PVT1: variants seen among roughly 807,000 people sequenced by gnomAD.
PVT1 encodes the protein Pvt1 oncogene.
At chr8:127,988,143 A>T (rs1352175945) in intron 3 of PVT1, among the ~76,000 whole-genome samples, 1 of 152,214 alleles carries the variant, frequency 6.6e-6, no homozygotes, top group Non-Finnish European at 1.5e-5. Flanking sequence ...GAGATGAGGA[A>T]ATCAAAGTGG....
At chr8:127,956,598 C>A in intron 3 of PVT1, among the ~76,000 whole-genome samples, 1 of 152,248 alleles carries the variant, frequency 6.6e-6, no homozygotes, top group Non-Finnish European at 1.5e-5. Context: ...GATTCTCCTG[C>A]CTCAGCCTCC....
chr8:128,058,837 C>T (rs1813794758), intron 4 of PVT1, among the ~76,000 whole-genome samples: 1 of 152,222 alleles, frequency 6.6e-6, no homozygotes, highest in African/African-American at 2.4e-5. Context: ...GAGCCCTCCA[C>T]AGCAGGGCTT....
intron 4 of PVT1, among the ~76,000 whole-genome samples, chr8:128,003,209 GCCTCCCTC>G (rs1293320836): frequency 2.9e-4 from 36 of 122,266 alleles, no homozygotes; most frequent in African/African-American, 9.9e-4. Flanking sequence ...AGACAATCCT[GCCTCCCTC>G]CCTCCCTCCC....
chr8:128,059,738 T>C (rs1813806602), intron 4 of PVT1, among the ~76,000 whole-genome samples: 1 of 152,160 alleles, frequency 6.6e-6, no homozygotes, highest in Non-Finnish European at 1.5e-5. Flanking sequence ...TCCCGCATAG[T>C]GTTGGCAGTT....
At chr8:127,942,416 C>T (rs1816364400) in intron 3 of PVT1, among the ~76,000 whole-genome samples, 1 of 152,202 alleles carries the variant, frequency 6.6e-6, no homozygotes, top group South Asian at 2.1e-4. Flanking sequence ...GCTTCTCCTG[C>T]AGGCAACTAC....
intron 3 of PVT1, among the ~76,000 whole-genome samples, chr8:127,960,943 T>TGG (rs1219833158): frequency 2.5e-4 from 7 of 27,644 alleles, no homozygotes; most frequent in Admixed American, 1.0e-3. Context: ...TGTTTGGGGG[T>TGG]GGGGGGGGCG....
intron 2 of PVT1, among the ~76,000 whole-genome samples, chr8:127,867,276 G>T (rs1815295556): frequency 6.6e-6 from 1 of 152,234 alleles, no homozygotes; most frequent in African/African-American, 2.4e-5. Context: ...AGGAGGAGGG[G>T]TCCAAGCCGC....
At chr8:127,807,562 A>T (rs1274301700) in intron 2 of PVT1, among the ~76,000 whole-genome samples, 1 of 152,110 alleles carries the variant, frequency 6.6e-6, no homozygotes, top group Admixed American at 6.6e-5. Context: ...GCCTCAAGCC[A>T]TCCTCCTGCC....
chr8:128,030,264 G>A (rs1195265431), intron 4 of PVT1, among the ~76,000 whole-genome samples: 4 of 152,130 alleles, frequency 2.6e-5, no homozygotes, highest in African/African-American at 9.7e-5. Flanking sequence ...AACAGTGCAT[G>A]CCTATTATAT....
intron 3 of PVT1, among the ~76,000 whole-genome samples, chr8:127,963,199 G>A (rs1816666344): frequency 6.6e-6 from 1 of 152,180 alleles, no homozygotes; most frequent in Admixed American, 6.5e-5. Flanking sequence ...CCCCTGCCCA[G>A]GCTGACTTCA....
chr8:128,076,477 A>G lies in PVT1; in HGVS notation n.1114+6116A>G, dbSNP rs146620765. ...CTCTTTCCTACTATTTTACCATCCA[A>G]TTAAAATGAATATATATTTTTTTCT... On this transcript the variant is annotated intron_variant and non_coding_transcript_variant, in intron 5 of 10. Coordinates refer to ENST00000651587, the Ensembl canonical transcript of PVT1. Among the ~76,000 whole-genome samples the G allele has an allele frequency of 5.9e-5, 9 of 152,244 alleles. No homozygotes were observed. In the East Asian group the frequency reaches 1.7e-3, roughly 29 times the overall value.
chr8:127,839,727 G>A (rs1413736038), intron 2 of PVT1, among the ~76,000 whole-genome samples: 1 of 152,142 alleles, frequency 6.6e-6, no homozygotes, highest in Non-Finnish European at 1.5e-5. Context: ...GAGGAAGGGA[G>A]GTTTAAGGAA....
At chr8:127,795,949 G>C (rs753147751) in exon 2 of PVT1, 1 of 170,394 alleles carries the variant, frequency 5.9e-6, no homozygotes, top group Non-Finnish European at 1.5e-5. Flanking sequence ...TACAGAATCC[G>C]TGTCTGGGAG....
chr8:128,015,738 A>ACTCCAGC (rs1201673789), intron 4 of PVT1, among the ~76,000 whole-genome samples: 1 of 139,050 alleles, frequency 7.2e-6, no homozygotes, highest in Non-Finnish European at 1.5e-5. Context: ...ACGCCACTGC[A>ACTCCAGC]CTCCAGCCTG....
intron 4 of PVT1, among the ~76,000 whole-genome samples, chr8:128,042,425 G>A (rs1435610897): frequency 6.6e-6 from 1 of 152,184 alleles, no homozygotes; most frequent in Admixed American, 6.5e-5. Context: ...CGATAGTGTT[G>A]CAATGTGTTT....
At chr8:127,808,528 C>T (rs1814553646) in intron 2 of PVT1, among the ~76,000 whole-genome samples, 1 of 151,978 alleles carries the variant, frequency 6.6e-6, no homozygotes, top group Admixed American at 6.6e-5. Context: ...TCATGGAGGG[C>T]CTTAAGTGCT....
intron 3 of PVT1, among the ~76,000 whole-genome samples, chr8:127,967,918 G>T (rs183147580): frequency 3.9e-5 from 6 of 152,328 alleles, no homozygotes; most frequent in Middle Eastern, 6.8e-3. Context: ...TTGAGCGCCT[G>T]TAGTATGTGC....
chr8:128,000,468 C>T (rs542375898), intron 4 of PVT1, among the ~76,000 whole-genome samples: 1 of 152,320 alleles, frequency 6.6e-6, no homozygotes, highest in African/African-American at 2.4e-5. Flanking sequence ...CATAGCAAAT[C>T]AGTTGTTGAG....
Position 127,973,437 on chromosome 8 carries a change from G to A in PVT1, n.783-15725G>A, listed in dbSNP as rs531249616. 4.6e-5 allele frequency among the ~76,000 whole-genome samples: 7 copies of A among 152,290 alleles called. No individual in the cohort carries two copies. The East Asian group carries it at 1.4e-3, about 29-fold the overall frequency. On this transcript the variant is annotated intron_variant and non_coding_transcript_variant, in intron 3 of 10. Coordinates refer to ENST00000651587, the Ensembl canonical transcript of PVT1. ...GGATGTGAATACTGAGGTCATGGGG[G>A]TAAAATAACATGCCCAAAGGCACAG...
Sources: gnomAD v4.1 joint callset for allele counts (sites outside exome capture counted in the v4.1 genomes callset) on GRCh38, gnomAD v4.1.1 for gene constraint, MANE v1.5 for transcripts, NCBI Gene and HGNC (gene_info 2026-07-23, HGNC 2026-07-21) for gene names.